DACH1: variants seen among roughly 807,000 people sequenced by gnomAD.
The protein encoded by DACH1 is dachshund homolog 1.
In DACH1, 12 loss-of-function variants were observed where a neutral mutation model predicts 54.2. The observed-to-expected ratio is 0.22, with a 90% CI of 0.14 to 0.36. The LOEUF is 0.36. Ranked by LOEUF, DACH1 falls within the 10% of genes least tolerant of loss-of-function variation. The pLI is 1.00. For missense variants in DACH1, 805 were observed against 929.8 expected (o/e 0.87, Z 1.75); for synonymous variants, 386 against 366.2 (o/e 1.05, Z -0.62).
At chr13:71,610,272 T>C (rs998241787) in intron 3 of DACH1, among the ~76,000 whole-genome samples, 4 of 152,188 alleles carry the variant, frequency 2.6e-5, no homozygotes, top group Admixed American at 1.3e-4. Flanking sequence ...GGGATATCTG[T>C]ATGTTTTATA....
intron 6 of DACH1, among the ~76,000 whole-genome samples, chr13:71,517,024 CTT>C (rs1881213414): frequency 6.6e-6 from 1 of 151,506 alleles, no homozygotes; most frequent in African/African-American, 2.4e-5. Flanking sequence ...TATTAACTGT[CTT>C]TATAAGCGTA....
chr13:71,573,397 T>A (rs1460293029), intron 3 of DACH1: 1 of 714,686 alleles, frequency 1.4e-6, no homozygotes, highest in Non-Finnish European at 2.6e-6. Context: ...TGATTTTTAA[T>A]ACTAAAGAAT....
At chr13:71,530,903 G>T (rs1882372193) in intron 6 of DACH1, among the ~76,000 whole-genome samples, 1 of 151,910 alleles carries the variant, frequency 6.6e-6, no homozygotes, top group African/African-American at 2.4e-5. Flanking sequence ...AAGAAAGAAA[G>T]AATTCTAAAG....
At chr13:71,865,232 G>T (rs542447597) in intron 1 of DACH1, among the ~76,000 whole-genome samples, 2 of 152,090 alleles carry the variant, frequency 1.3e-5, no homozygotes, top group Non-Finnish European at 2.9e-5. Context: ...CCCTCCCCTC[G>T]GCTGGCTTCC....
At chr13:71,514,483 T>C (rs1456186227) in intron 6 of DACH1, among the ~76,000 whole-genome samples, 1 of 151,890 alleles carries the variant, frequency 6.6e-6, no homozygotes, top group East Asian at 1.9e-4. Flanking sequence ...TGTAAAGTTA[T>C]CAAATGAATA....
intron 3 of DACH1, among the ~76,000 whole-genome samples, chr13:71,579,701 C>T (rs1272478266): frequency 1.3e-5 from 2 of 151,782 alleles, no homozygotes; most frequent in Non-Finnish European, 2.9e-5. Context: ...TTCCTTATGT[C>T]GTAGTAAATT....
At chr13:71,814,930 A>T (rs751614291) in intron 1 of DACH1, among the ~76,000 whole-genome samples, 17 of 152,344 alleles carry the variant, frequency 1.1e-4, no homozygotes, top group Middle Eastern at 6.8e-3. Flanking sequence ...CAGCACTTCA[A>T]CTAACAAGTT....
chr13:71,577,479 T>C (rs141469373), intron 3 of DACH1, among the ~76,000 whole-genome samples: 1 of 152,266 alleles, frequency 6.6e-6, no homozygotes. Context: ...GGTCCATTCT[T>C]AGAAAGGAAG....
chr13:71,642,757 A>G (rs1210569968), intron 2 of DACH1, among the ~76,000 whole-genome samples: 1 of 152,144 alleles, frequency 6.6e-6, no homozygotes, highest in Non-Finnish European at 1.5e-5. Flanking sequence ...GCAGTGGCTC[A>G]TGGCTGTAAT....
chr13:71,498,876 T>C (rs1879667413), intron 6 of DACH1, among the ~76,000 whole-genome samples: 1 of 152,106 alleles, frequency 6.6e-6, no homozygotes. Flanking sequence ...CTATTCTGTA[T>C]CTGTATTTCA....
intron 2 of DACH1, among the ~76,000 whole-genome samples, chr13:71,674,908 C>T (rs1880456654): frequency 6.6e-6 from 1 of 152,148 alleles, no homozygotes; most frequent in Non-Finnish European, 1.5e-5. Context: ...TATCAAACCT[C>T]TCAAATATTT....
chr13:71,642,188 C>T lies in DACH1; in HGVS notation c.965-11471G>A, dbSNP rs549614910. On this transcript the variant is annotated intron_variant, in intron 2 of 10. Transcript: ENST00000613252. ...TGACTTCTCTTGACCTAATTTATACCGTACCATGAGATTCTATTAAAAGAA... is the reference window on the plus strand; with the variant it reads ...TGACTTCTCTTGACCTAATTTATACTGTACCATGAGATTCTATTAAAAGAA... Among the ~76,000 whole-genome samples the T allele has an allele frequency of 4.6e-5, 7 of 152,178 alleles. No individual in the cohort carries two copies. In the East Asian group the frequency reaches 5.8e-4, roughly 13 times the overall value.
At chr13:71,690,464 A>G (rs372998876) in intron 1 of DACH1, among the ~76,000 whole-genome samples, 1 of 152,146 alleles carries the variant, frequency 6.6e-6, no homozygotes, top group Non-Finnish European at 1.5e-5. Context: ...CTCTTTTACA[A>G]TTATGTGCAA....
intron 1 of DACH1, among the ~76,000 whole-genome samples, chr13:71,840,525 G>A (rs776663213): frequency 6.6e-5 from 10 of 152,042 alleles, no homozygotes; most frequent in Admixed American, 2.0e-4. Context: ...CTCCAGCCAG[G>A]CCAATTTACA....
intron 3 of DACH1, among the ~76,000 whole-genome samples, chr13:71,622,120 T>C (rs1368585605): frequency 6.6e-6 from 1 of 152,022 alleles, no homozygotes; most frequent in Admixed American, 6.6e-5. Flanking sequence ...ATATTATTTA[T>C]TTATTATCGC....
At chr13:71,743,687 C>T (rs1884496780) in intron 1 of DACH1, among the ~76,000 whole-genome samples, 1 of 152,084 alleles carries the variant, frequency 6.6e-6, no homozygotes, top group African/African-American at 2.4e-5. Context: ...TGCCTTTAAA[C>T]AGATTTTATG....
chr13:71,616,511 C>T (rs544342815), intron 3 of DACH1, among the ~76,000 whole-genome samples: 3 of 152,044 alleles, frequency 2.0e-5, no homozygotes, highest in African/African-American at 7.2e-5. Flanking sequence ...ATTTGGGAGT[C>T]CAAGAGGGGA....
intron 6 of DACH1, among the ~76,000 whole-genome samples, chr13:71,525,158 T>C (rs1000998321): frequency 6.6e-6 from 1 of 152,100 alleles, no homozygotes; most frequent in Non-Finnish European, 1.5e-5. Flanking sequence ...CCAGGGAAGA[T>C]AGGAAACCGC....
At chr13:71,863,392 TG>T (rs1874481173) in intron 1 of DACH1, among the ~76,000 whole-genome samples, 1 of 152,164 alleles carries the variant, frequency 6.6e-6, no homozygotes, top group Admixed American at 6.5e-5. Context: ...AGTTGATATA[TG>T]ATCAAATACA....
Sources: allele counts gnomAD v4.1 joint callset (sites outside exome capture counted in the v4.1 genomes callset), GRCh38; gene constraint gnomAD v4.1.1; transcripts MANE v1.5; gene names NCBI Gene and HGNC (gene_info 2026-07-23, HGNC 2026-07-21).